The following ADAM23 variants were observed in gnomAD, a reference collection of about 807,000 sequenced individuals.
ADAM23 encodes ADAM metallopeptidase domain 23.
ADAM23 carries 33 observed loss-of-function variants against 120.1 expected under a neutral mutation model. The observed-to-expected ratio is 0.27, with a 90% confidence interval of 0.21 to 0.37. The LOEUF (loss-of-function observed/expected upper bound fraction) is 0.37. Ranked by LOEUF, ADAM23 falls within the 10% of genes least tolerant of loss-of-function variation. The pLI is 1.00. For missense variants in ADAM23, 862 were observed against 1,058.2 expected, an observed-to-expected ratio of 0.81 and a Z score of 2.57; for synonymous variants, 367 against 375.2, an observed-to-expected ratio of 0.98 and a Z score of 0.25.
At chr2:206,580,216 CTT>C (rs1698196582) in intron 18 of ADAM23, among the ~76,000 whole-genome samples, 1 of 152,092 alleles carries the variant, frequency 6.6e-6, no homozygotes, top group Admixed American at 6.5e-5. Flanking sequence ...CTTTCTTTCT[CTT>C]GTCTGATTGC....
chr2:206,608,470 C>G (rs1036716603), intron 24 of ADAM23, among the ~76,000 whole-genome samples: 1 of 152,130 alleles, frequency 6.6e-6, no homozygotes, highest in African/African-American at 2.4e-5. Flanking sequence ...TTGTAAAGAT[C>G]AAAAGAGATA....
At chr2:206,586,875 ATTTC>A (rs573716723) in intron 18 of ADAM23, among the ~76,000 whole-genome samples, 1 of 152,218 alleles carries the variant, frequency 6.6e-6, no homozygotes, top group Non-Finnish European at 1.5e-5. Flanking sequence ...AAGGCAGAGT[ATTTC>A]TTCTGTTTCA....
chr2:206,469,152 A>G (rs1055240290), intron 2 of ADAM23, among the ~76,000 whole-genome samples: 23 of 152,216 alleles, frequency 1.5e-4, no homozygotes, highest in African/African-American at 5.5e-4. Context: ...GGTCCAAACC[A>G]TACCATAGTT....
intron 23 of ADAM23, 137 bp from the exon 24 acceptor site, chr2:206,595,914 A>G (rs1230148103): frequency 1.6e-6 from 1 of 627,768 alleles, no homozygotes; most frequent in East Asian, 2.8e-5. Context: ...CTAGTGATCA[A>G]GACCATGGGA....
intron 25 of ADAM23, among the ~76,000 whole-genome samples, chr2:206,615,705 C>G (rs545442840): frequency 6.6e-6 from 1 of 152,214 alleles, no homozygotes; most frequent in South Asian, 2.1e-4. Flanking sequence ...CTCAGCCTCT[C>G]TGTCTGGCCT....
At chr2:206,453,632 T>C (rs1695239605) in intron 2 of ADAM23, among the ~76,000 whole-genome samples, 2 of 152,220 alleles carry the variant, frequency 1.3e-5, no homozygotes, top group African/African-American at 2.4e-5. Flanking sequence ...ATGGTAGAAA[T>C]GCTATTATAA....
intron 2 of ADAM23, among the ~76,000 whole-genome samples, chr2:206,453,869 A>G (rs1695244149): frequency 6.6e-6 from 1 of 152,266 alleles, no homozygotes; most frequent in Non-Finnish European, 1.5e-5. Flanking sequence ...AAGAATATAG[A>G]GAGGCTAATT....
In ADAM23 at chr2:206,444,100, C is replaced by G; in HGVS notation, c.214+20C>G. 7.8e-7 allele frequency: 1 copy of G among 1,290,212 alleles called. No individual in the cohort carries two copies. Among genetic ancestry groups the G allele is most frequent in the African/African-American group, 1.5e-5 (1 of 65,074 alleles). 79.9% of individuals were successfully genotyped at this position (1,290,212 alleles called of 1,614,324 possible). On this transcript the variant is annotated intron_variant, in intron 1 of 25. Transcript: ENST00000264377. ...CCAGCGGTGGGTATGGCCCCGTGCC[C>G]TTTGCGTTGGCTTTCCCGCGGGGCC...
chr2:206,477,566 C>A (rs995547500), intron 2 of ADAM23, among the ~76,000 whole-genome samples: 1 of 151,998 alleles, frequency 6.6e-6, no homozygotes, highest in Non-Finnish European at 1.5e-5. Flanking sequence ...TAACAGATAT[C>A]CCGAAAGAGA....
intron 9 of ADAM23, among the ~76,000 whole-genome samples, chr2:206,551,371 A>G (rs886351002): frequency 6.6e-6 from 1 of 152,192 alleles, no homozygotes; most frequent in Non-Finnish European, 1.5e-5. Context: ...GGCCAATTGT[A>G]ATCTCTGTTG....
At chr2:206,524,438 C>A (rs1696904345) in intron 3 of ADAM23, among the ~76,000 whole-genome samples, 1 of 152,216 alleles carries the variant, frequency 6.6e-6, no homozygotes, top group Non-Finnish European at 1.5e-5. Context: ...ATGTTATGCA[C>A]TGAGAGAGCC....
chr2:206,540,693 A>G (rs537670995), intron 4 of ADAM23, among the ~76,000 whole-genome samples: 3 of 152,204 alleles, frequency 2.0e-5, no homozygotes, highest in East Asian at 1.9e-4. Flanking sequence ...AAACAAGTCA[A>G]CTTATGTCAC....
intron 18 of ADAM23, among the ~76,000 whole-genome samples, chr2:206,575,935 G>T (rs1047127732): frequency 6.6e-6 from 1 of 151,988 alleles, no homozygotes; most frequent in African/African-American, 2.4e-5. Context: ...TTAACCAGAA[G>T]AAAAAATGAG....
chr2:206,592,321 C>T (rs183166190), intron 21 of ADAM23, among the ~76,000 whole-genome samples: 29 of 152,114 alleles, frequency 1.9e-4, no homozygotes, highest in African/African-American at 3.9e-4. Context: ...TCTAGGAAGA[C>T]GAGAAGGGGG....
chr2:206,443,793 C>G lies in ADAM23; in HGVS notation c.-74C>G, dbSNP rs1574470119. The G allele has an allele frequency of 1.1e-6, 1 of 890,444 alleles. No individual in the cohort carries two copies. Among genetic ancestry groups the G allele is most frequent in the African/African-American group, 1.8e-5 (1 of 54,966 alleles). 55.2% of individuals were successfully genotyped at this position (890,444 alleles called of 1,614,324 possible). A position where few individuals can be genotyped will look rare whatever the true frequency, so the allele number is the denominator to read the frequency against. On this transcript the variant is annotated 5_prime_UTR_variant, in exon 1 of 26. Coordinates refer to ENST00000264377, the MANE Select transcript of ADAM23 (RefSeq NM_003812.4). ...GCGCGCCGAGCCGGCGTGACCGGCT[C>G]CGCCCGCGGCCGCCCCGCAGCTAGC...
In ADAM23 at chr2:206,485,583, C is replaced by CAGA. The variant is rs541559536; in HGVS notation, c.509+4275_509+4276insAGA. On this transcript the variant is annotated intron_variant, in intron 3 of 25. Transcript: ENST00000264377. The stretch of plus-strand genomic sequence containing the variant: ...TGACAGGAGTTCCTGAGAGGAGAGC[C>CAGA]TGGTTTGCATCTGGCTTGTGGAGGC... 3.7e-3 allele frequency among the ~76,000 whole-genome samples: 569 copies of CAGA among 152,314 alleles called. 3 individuals carry two copies. The highest frequency in any genetic ancestry group is 0.013 in the African/African-American group (545 of 41,564).
intron 3 of ADAM23, among the ~76,000 whole-genome samples, chr2:206,494,427 G>A (rs1281584342): frequency 6.6e-6 from 1 of 152,132 alleles, no homozygotes; most frequent in African/African-American, 2.4e-5. Context: ...CCCTCCCTGT[G>A]CACTATGCCA....
At chr2:206,447,858 T>C (rs908087403) in intron 2 of ADAM23, among the ~76,000 whole-genome samples, 3 of 152,036 alleles carry the variant, frequency 2.0e-5, no homozygotes, top group African/African-American at 7.2e-5. Context: ...AGACTGGGGG[T>C]AGAGGTGGAA....
intron 14 of ADAM23, among the ~76,000 whole-genome samples, chr2:206,565,377 G>A (rs1346770578): frequency 6.6e-6 from 1 of 152,102 alleles, no homozygotes; most frequent in Non-Finnish European, 1.5e-5. Flanking sequence ...TTAAAAGTTG[G>A]TTATCTACCT....
Sources: allele counts gnomAD v4.1 joint callset (sites outside exome capture counted in the v4.1 genomes callset), GRCh38; gene constraint gnomAD v4.1.1; transcripts MANE v1.5; gene names NCBI Gene and HGNC (gene_info 2026-07-23, HGNC 2026-07-21).